MTX2: variants seen among roughly 807,000 people sequenced by gnomAD.
MTX2 encodes the protein metaxin 2, also known as metaxin-2.
Under a neutral mutation model 42.3 loss-of-function variants are expected in MTX2, and 35 were observed. The ratio of observed to expected loss-of-function variants is 0.83; its 90% CI spans 0.63 to 1.10. The LOEUF is 1.10. Ranked by LOEUF, MTX2 falls within the 50% of genes least tolerant of loss-of-function variation. The probability of loss-of-function intolerance (pLI) is 0.00; values close to 1 mark genes in which losing one functional copy is unlikely to be tolerated. For synonymous variants in MTX2, 119 were observed against 100.9 expected (o/e 1.18, Z -1.08); for missense variants, 307 against 304.1 (o/e 1.01, Z -0.07).
intron 9 of MTX2, among the ~76,000 whole-genome samples, chr2:176,331,791 C>T (rs898519493): frequency 1.3e-5 from 2 of 151,120 alleles, no homozygotes; most frequent in East Asian, 1.9e-4. Context: ...GTCAATATTA[C>T]GTGATTTCTT....
At chr2:176,323,938 A>G (rs1684644631) in intron 4 of MTX2, among the ~76,000 whole-genome samples, 1 of 151,598 alleles carries the variant, frequency 6.6e-6, no homozygotes, top group Non-Finnish European at 1.5e-5. Context: ...TTTGGTTTCT[A>G]ATTATTTTTT....
rs1198121876 is a variant in MTX2 at position 176,282,128 on chromosome 2, T to TTTTTTTG, written c.40+12465_40+12466insGTTTTTT. On this transcript the variant is annotated intron_variant, in intron 1 of 9. Coordinates refer to ENST00000249442, the MANE Select transcript of MTX2 (RefSeq NM_006554.5). Reference sequence around the variant, plus strand: ...ATATTATTTTTAGAGTTACAGTAGTTTTTTTTTTTTTTTTTTTTTTTTTTT... The same window carrying TTTTTTTG: ...ATATTATTTTTAGAGTTACAGTAGTTTTTTTTGTTTTTTTTTTTTTTTTTTTTTTTTT... Among the ~76,000 whole-genome samples the TTTTTTTG allele has an allele frequency of 6.9e-4, 89 of 129,596 alleles. 5 individuals carry two copies. Among genetic ancestry groups the TTTTTTTG allele is most frequent in the Non-Finnish European group, 1.3e-3 (76 of 60,778 alleles). 85.0% of individuals were successfully genotyped at this position (129,596 alleles called of 152,430 possible).
chr2:176,282,684 C>T (rs1027358120), intron 1 of MTX2, among the ~76,000 whole-genome samples: 1 of 150,030 alleles, frequency 6.7e-6, no homozygotes, highest in Non-Finnish European at 1.5e-5. Flanking sequence ...TTATAGGGTA[C>T]TTAGTTTATC....
intron 9 of MTX2, among the ~76,000 whole-genome samples, chr2:176,331,942 C>T (rs1419898615): frequency 6.6e-6 from 1 of 151,212 alleles, no homozygotes; most frequent in African/African-American, 2.4e-5. Context: ...TACTTTTCTT[C>T]TCAGTTAAAC....
chr2:176,336,417 A>G (rs989315744), intron 9 of MTX2, among the ~76,000 whole-genome samples: 2 of 152,024 alleles, frequency 1.3e-5, no homozygotes, highest in African/African-American at 4.8e-5. Flanking sequence ...CTTGTTGTTG[A>G]TTTGTGATTG....
At chr2:176,293,644 G>T (rs780318864) in intron 1 of MTX2, among the ~76,000 whole-genome samples, 4 of 152,104 alleles carry the variant, frequency 2.6e-5, no homozygotes, top group Admixed American at 6.6e-5. Context: ...TTTGCCTTCT[G>T]CCATGATTGT....
At chr2:176,324,270 C>CTA (rs1299695034) in intron 4 of MTX2, among the ~76,000 whole-genome samples, 1 of 151,092 alleles carries the variant, frequency 6.6e-6, no homozygotes. Context: ...TTAGGAGTGA[C>CTA]TTGTGTTAAA....
At chr2:176,311,236 G>A (rs1684296344) in intron 3 of MTX2, among the ~76,000 whole-genome samples, 1 of 152,166 alleles carries the variant, frequency 6.6e-6, no homozygotes, top group East Asian at 1.9e-4. Context: ...GGAGGCTGCA[G>A]AACGGCAAAT....
chr2:176,320,838 G>T (rs1575057445), intron 3 of MTX2, among the ~76,000 whole-genome samples: 1 of 151,864 alleles, frequency 6.6e-6, no homozygotes, highest in African/African-American at 2.4e-5. Flanking sequence ...GAGACTAAAG[G>T]TGTGCACCAC....
At chr2:176,283,085 TTAA>T (rs1473737296) in intron 1 of MTX2, among the ~76,000 whole-genome samples, 2 of 152,184 alleles carry the variant, frequency 1.3e-5, no homozygotes, top group African/African-American at 4.8e-5. Context: ...CAAGAATAGG[TTAA>T]CCAGTTTGGC....
At chr2:176,314,776 G>C (rs977272115) in intron 3 of MTX2, among the ~76,000 whole-genome samples, 1 of 152,124 alleles carries the variant, frequency 6.6e-6, no homozygotes, top group African/African-American at 2.4e-5. Context: ...ATTTTCAGAA[G>C]ATTATACTGC....
Position 176,322,308 on chromosome 2 carries a change from C to T in MTX2, c.136-1084C>T, listed in dbSNP as rs543071791. 5.3e-5 allele frequency among the ~76,000 whole-genome samples: 8 copies of T among 152,178 alleles called. No individual in the cohort carries two copies. The South Asian group carries it at 1.5e-3, about 28-fold the overall frequency. ...AGTTGAGGAAGGAATTATAATAAACCTATGAGAAATCTCTGTTGAGTAAAA... is the reference window on the plus strand; with the variant it reads ...AGTTGAGGAAGGAATTATAATAAACTTATGAGAAATCTCTGTTGAGTAAAA... On this transcript the variant is annotated intron_variant, in intron 3 of 9. Transcript: ENST00000249442.
chr2:176,285,919 T>G (rs1297949982), intron 1 of MTX2, among the ~76,000 whole-genome samples: 1 of 152,186 alleles, frequency 6.6e-6, no homozygotes, highest in Non-Finnish European at 1.5e-5. Flanking sequence ...AATTGATGGG[T>G]CATATGGTAA....
At chr2:176,301,803 T>C (rs1021489562) in intron 3 of MTX2, among the ~76,000 whole-genome samples, 8 of 152,174 alleles carry the variant, frequency 5.3e-5, no homozygotes, top group Non-Finnish European at 8.8e-5. Flanking sequence ...TAAAAGAACA[T>C]GTCTTAGCTT....
chr2:176,328,313 G>A lies in MTX2; in HGVS notation c.306G>A (p.Gly102=). 2 of 1,585,926 alleles carry A rather than the reference G, an allele frequency of 1.3e-6. No individual in the cohort carries two copies. The highest frequency in any genetic ancestry group is 1.7e-6 in the Non-Finnish European group (2 of 1,166,750). The stretch of plus-strand genomic sequence containing the variant: ...TTTAGGGCCATTCTCTTAGTGATGG[G>A]CTGGAGGAAGTCCAAAAAGCAGAAA... ...VKAKGHSLSD[G]LEEVQKAEMK... is the part of the protein sequence containing the mutation. Residue 102 remains glycine, a synonymous_variant, in exon 6 of 10, where the codon GGG becomes GGA. Transcript: ENST00000249442.
At chr2:176,276,682 A>T (rs1312974924) in intron 1 of MTX2, among the ~76,000 whole-genome samples, 1 of 152,076 alleles carries the variant, frequency 6.6e-6, no homozygotes, top group Non-Finnish European at 1.5e-5. Context: ...AGAGCCTTTC[A>T]CCTTATAGTA....
At chr2:176,328,228 A>G (rs1231082630) in intron 5 of MTX2, 65 bp from the exon 6 acceptor site, 8 of 995,456 alleles carry the variant, frequency 8.0e-6, no homozygotes, top group Non-Finnish European at 1.0e-5. Context: ...TTTGTTAGTG[A>G]GATAACTGAA....
At chr2:176,315,712 G>A (rs1427115316) in intron 3 of MTX2, among the ~76,000 whole-genome samples, 1 of 152,104 alleles carries the variant, frequency 6.6e-6, no homozygotes, top group East Asian at 1.9e-4. Flanking sequence ...CCATCTCTTA[G>A]TACTCACTTC....
chr2:176,314,727 A>C (rs1163570899), intron 3 of MTX2, among the ~76,000 whole-genome samples: 1 of 152,188 alleles, frequency 6.6e-6, no homozygotes, highest in Non-Finnish European at 1.5e-5. Flanking sequence ...TAAAGGATTC[A>C]AGCTAACAGT....
Sources: gnomAD v4.1 joint callset for allele counts (sites outside exome capture counted in the v4.1 genomes callset) on GRCh38, gnomAD v4.1.1 for gene constraint, MANE v1.5 for transcripts, NCBI Gene and HGNC (gene_info 2026-07-23, HGNC 2026-07-21) for gene names.